THRB: variants seen among roughly 807,000 people sequenced by gnomAD.
THRB encodes thyroid hormone receptor beta.
Under a neutral mutation model 47.8 loss-of-function variants are expected in THRB, and 12 were observed. That is an observed-to-expected ratio of 0.25 (90% CI 0.16 to 0.41). The LOEUF is 0.41. THRB is among the 10% of genes least tolerant of loss of function. THRB has a pLI of 1.00. For synonymous variants in THRB, 218 were observed against 212.2 expected, an observed-to-expected ratio of 1.03 and a Z score of -0.24; for missense variants, 348 against 589.2, an observed-to-expected ratio of 0.59 and a Z score of 4.24.
At chr3:24,327,611 C>T (rs1461666008) in intron 2 of THRB, among the ~76,000 whole-genome samples, 1 of 152,142 alleles carries the variant, frequency 6.6e-6, no homozygotes, top group African/African-American at 2.4e-5. Flanking sequence ...GTTCCTGTGT[C>T]CTTATTCTCA....
chr3:24,416,610 G>A (rs1307869293), intron 1 of THRB, among the ~76,000 whole-genome samples: 1 of 151,858 alleles, frequency 6.6e-6, no homozygotes, highest in Admixed American at 6.6e-5. Flanking sequence ...CTTCAGAACA[G>A]TCTATTCCTC....
intron 9 of THRB, among the ~76,000 whole-genome samples, chr3:24,131,004 A>C (rs2033773472): frequency 6.6e-6 from 1 of 152,192 alleles, no homozygotes; most frequent in South Asian, 2.1e-4. Flanking sequence ...AAGTTGGTAC[A>C]GTGACAGGTG....
At chr3:24,169,890 A>G (rs1031008340) in intron 5 of THRB, among the ~76,000 whole-genome samples, 7 of 127,284 alleles carry the variant, frequency 5.5e-5, no homozygotes, top group African/African-American at 1.7e-4. Context: ...GGCAGAGTTG[A>G]GTAGTTGCAA....
intron 1 of THRB, among the ~76,000 whole-genome samples, chr3:24,358,993 T>C (rs531686941): frequency 1.1e-3 from 164 of 152,284 alleles, no homozygotes; most frequent in Middle Eastern, 6.8e-3. Context: ...AATGTGACTC[T>C]TATACTAAAA....
At chr3:24,307,767 G>A (rs1294613582) in intron 2 of THRB, among the ~76,000 whole-genome samples, 1 of 152,120 alleles carries the variant, frequency 6.6e-6, no homozygotes, top group African/African-American at 2.4e-5. Context: ...TTTGCTTAAA[G>A]GGTCCTTCAA....
intron 3 of THRB, among the ~76,000 whole-genome samples, chr3:24,238,274 TGTG>T (rs1559698642): frequency 1.6e-3 from 13 of 7,970 alleles, no homozygotes; most frequent in African/African-American, 4.3e-3. Flanking sequence ...TGTGTGTGTG[TGTG>T]TGGGGGGGGG....
intron 3 of THRB, among the ~76,000 whole-genome samples, chr3:24,293,063 T>C (rs375166309): frequency 6.6e-6 from 1 of 152,256 alleles, no homozygotes; most frequent in East Asian, 1.9e-4. Flanking sequence ...TACCACTCAC[T>C]GGTCTGTCCC....
At chr3:24,232,072 A>T (rs1331243302) in intron 3 of THRB, among the ~76,000 whole-genome samples, 1 of 152,170 alleles carries the variant, frequency 6.6e-6, no homozygotes, top group Non-Finnish European at 1.5e-5. Context: ...AAGGGTTTTC[A>T]GTTAGATCCA....
At chr3:24,259,088 G>A (rs1172793243) in intron 3 of THRB, among the ~76,000 whole-genome samples, 1 of 152,166 alleles carries the variant, frequency 6.6e-6, no homozygotes, top group Non-Finnish European at 1.5e-5. Flanking sequence ...TGCTCCATGA[G>A]CATCCAATAA....
At chr3:24,332,866 C>G (rs2062011542) in intron 2 of THRB, among the ~76,000 whole-genome samples, 1 of 152,114 alleles carries the variant, frequency 6.6e-6, no homozygotes, top group Admixed American at 6.5e-5. Flanking sequence ...ACCATCCTGG[C>G]TAACATGGTG....
chr3:24,349,039 T>A (rs533148199), intron 1 of THRB: 1 of 152,208 alleles, frequency 6.6e-6, no homozygotes, highest in Non-Finnish European at 1.5e-5. Flanking sequence ...GATCAACATA[T>A]AAAAGTCAAT....
chr3:24,434,423 T>A (rs918569062), intron 1 of THRB, among the ~76,000 whole-genome samples: 3 of 152,080 alleles, frequency 2.0e-5, no homozygotes, highest in Non-Finnish European at 4.4e-5. Context: ...TAGATAACAG[T>A]ACATAGGAAT....
At chr3:24,267,892 A>G (rs980684645) in intron 3 of THRB, among the ~76,000 whole-genome samples, 1 of 152,212 alleles carries the variant, frequency 6.6e-6, no homozygotes, top group African/African-American at 2.4e-5. Context: ...CTTCCTTATC[A>G]TGAATTAACA....
intron 5 of THRB, among the ~76,000 whole-genome samples, chr3:24,175,641 T>C (rs2041040349): frequency 6.6e-6 from 1 of 152,230 alleles, no homozygotes; most frequent in Non-Finnish European, 1.5e-5. Flanking sequence ...TGCTCTTTTT[T>C]ATAAATGAAC....
intron 4 of THRB, among the ~76,000 whole-genome samples, chr3:24,199,530 G>T (rs1395634141): frequency 6.6e-6 from 1 of 152,154 alleles, no homozygotes; most frequent in Non-Finnish European, 1.5e-5. Context: ...GCTGTTAGGA[G>T]ATAAACAAAT....
At chr3:24,232,964 A>C (rs1403429443) in intron 3 of THRB, among the ~76,000 whole-genome samples, 2 of 152,200 alleles carry the variant, frequency 1.3e-5, no homozygotes, top group South Asian at 4.1e-4. Context: ...ACAGCTAAAA[A>C]TAAAAGTCAC....
chr3:24,483,403 T>C (rs766804438), intron 1 of THRB, among the ~76,000 whole-genome samples: 1 of 152,138 alleles, frequency 6.6e-6, no homozygotes, highest in Non-Finnish European at 1.5e-5. Flanking sequence ...TATAAAATTA[T>C]TCCACGAAAA....
intron 1 of THRB, among the ~76,000 whole-genome samples, chr3:24,368,244 G>A (rs1409686533): frequency 6.6e-6 from 1 of 151,920 alleles, no homozygotes; most frequent in Admixed American, 6.6e-5. Context: ...TTTCTGTCTG[G>A]CATACTCTAT....
intron 1 of THRB, among the ~76,000 whole-genome samples, chr3:24,346,141 T>C (rs1445761940): frequency 2.6e-5 from 4 of 152,062 alleles, no homozygotes; most frequent in African/African-American, 9.7e-5. Flanking sequence ...AAACAATAAT[T>C]GTTATATCTT....
Sources: allele counts gnomAD v4.1 joint callset (sites outside exome capture counted in the v4.1 genomes callset), GRCh38; gene constraint gnomAD v4.1.1; transcripts MANE v1.5; gene names NCBI Gene and HGNC (gene_info 2026-07-23, HGNC 2026-07-21).